Variants in CDH8 observed in about 807,000 individuals in gnomAD.
CDH8 encodes the protein cadherin 8, also known as cadherin-8.
CDH8 carries 17 observed loss-of-function variants against 68.1 expected under a neutral mutation model. The ratio of observed to expected loss-of-function variants is 0.25; its 90% CI spans 0.17 to 0.37. The LOEUF is 0.37. Ranked by LOEUF, CDH8 falls within the 10% of genes least tolerant of loss-of-function variation. CDH8 has a pLI of 1.00. For missense variants in CDH8, 763 were observed against 999.3 expected (o/e 0.76, Z 3.19); for synonymous variants, 372 against 365.1 (o/e 1.02, Z -0.21).
At chr16:61,855,841 G>T (rs930962185) in intron 4 of CDH8, among the ~76,000 whole-genome samples, 3 of 152,060 alleles carry the variant, frequency 2.0e-5, no homozygotes, top group Admixed American at 1.3e-4. Context: ...TCTCAAACTT[G>T]AAGGCAGCCA....
At chr16:61,717,278 A>G (rs1964748975) in intron 9 of CDH8, among the ~76,000 whole-genome samples, 1 of 151,634 alleles carries the variant, frequency 6.6e-6, no homozygotes, top group South Asian at 2.1e-4. Flanking sequence ...AGAGAAAACA[A>G]AGCATATCTG....
At chr16:61,765,406 TG>T (rs767660880) in intron 8 of CDH8, among the ~76,000 whole-genome samples, 1 of 152,044 alleles carries the variant, frequency 6.6e-6, no homozygotes, top group Non-Finnish European at 1.5e-5. Context: ...TAGACAATTA[TG>T]GTTTGTGTCT....
At chr16:61,837,695 T>G (rs1962596935) in intron 4 of CDH8, among the ~76,000 whole-genome samples, 1 of 152,070 alleles carries the variant, frequency 6.6e-6, no homozygotes, top group Non-Finnish European at 1.5e-5. Context: ...GAGAGAGTGT[T>G]ACTTGCAGAC....
intron 3 of CDH8, among the ~76,000 whole-genome samples, chr16:61,858,203 A>G (rs146220161): frequency 3.3e-4 from 50 of 152,250 alleles, no homozygotes; most frequent in African/African-American, 1.2e-3. Context: ...CAGTAGCACC[A>G]ATTATGGATC....
chr16:61,988,031 T>C (rs1479229611), intron 2 of CDH8, among the ~76,000 whole-genome samples: 1 of 152,156 alleles, frequency 6.6e-6, no homozygotes, highest in Admixed American at 6.5e-5. Context: ...CCAATTTATA[T>C]TTACTCTTAG....
intron 7 of CDH8, among the ~76,000 whole-genome samples, chr16:61,808,710 A>T (rs1469800815): frequency 6.6e-6 from 1 of 152,206 alleles, no homozygotes; most frequent in Non-Finnish European, 1.5e-5. Flanking sequence ...TCCTGGAATG[A>T]TATGGGAGCT....
Position 61,817,676 on chromosome 16 carries a change from G to C in CDH8, c.1080C>G (p.Val360=). 1 of 1,611,262 alleles carries C rather than the reference G, an allele frequency of 6.2e-7. No individual in the cohort carries two copies. The highest frequency in any genetic ancestry group is 8.5e-7 in the Non-Finnish European group (1 of 1,178,424). ...TGCCACTGAAGCGTGGGTCAATATG[G>C]ACATTGGCTGCCTCTACCTTTAGCG... ...SYTLKVEAAN[V]HIDPRFSGRG... is the part of the protein sequence containing the mutation. Residue 360 remains valine (V), a synonymous_variant, in exon 7 of 12, where the codon GTC becomes GTG. Transcript: ENST00000577390.
intron 4 of CDH8, among the ~76,000 whole-genome samples, chr16:61,825,567 A>C (rs1457620189): frequency 1.3e-5 from 2 of 151,876 alleles, no homozygotes; most frequent in Non-Finnish European, 2.9e-5. Context: ...CCACAGGAGG[A>C]GTAAATACAC....
At chr16:61,964,635 T>C (rs1026892218) in intron 2 of CDH8, among the ~76,000 whole-genome samples, 2 of 152,112 alleles carry the variant, frequency 1.3e-5, no homozygotes, top group African/African-American at 4.8e-5. Context: ...TGAGTGGGTC[T>C]GTGGCCTTGA....
intron 10 of CDH8, chr16:61,710,700 T>C (rs1447687711): frequency 1.3e-5 from 2 of 152,032 alleles, no homozygotes; most frequent in Non-Finnish European, 1.5e-5. Flanking sequence ...GTATAAACCA[T>C]GAGGGCTCCC....
chr16:62,006,230 G>A (rs1567565572), intron 2 of CDH8, among the ~76,000 whole-genome samples: 1 of 152,320 alleles, frequency 6.6e-6, no homozygotes. Flanking sequence ...AGAGCAAATC[G>A]TGTTCGATAA....
chr16:61,908,430 AAAG>A (rs1964099727), intron 2 of CDH8, among the ~76,000 whole-genome samples: 1 of 152,214 alleles, frequency 6.6e-6, no homozygotes, highest in South Asian at 2.1e-4. Context: ...AGGAGAAAGA[AAAG>A]GAGGAGCTGA....
chr16:61,809,982 C>G (rs991947545), intron 7 of CDH8, among the ~76,000 whole-genome samples: 4 of 152,172 alleles, frequency 2.6e-5, no homozygotes, highest in African/African-American at 9.7e-5. Flanking sequence ...GACTGTGTAT[C>G]TATTTTTCAA....
intron 7 of CDH8, among the ~76,000 whole-genome samples, chr16:61,814,194 A>T (rs1264043311): frequency 6.6e-6 from 1 of 152,194 alleles, no homozygotes; most frequent in African/African-American, 2.4e-5. Context: ...TCCAGAGACT[A>T]GTTCTCCGAC....
intron 4 of CDH8, among the ~76,000 whole-genome samples, chr16:61,848,368 T>C (rs1962860944): frequency 6.6e-6 from 1 of 152,134 alleles, no homozygotes; most frequent in Non-Finnish European, 1.5e-5. Flanking sequence ...AATAGACATT[T>C]CTTTGACTCT....
chr16:61,824,579 GGAA>G (rs1962288157), intron 5 of CDH8, among the ~76,000 whole-genome samples: 1 of 151,840 alleles, frequency 6.6e-6, no homozygotes, highest in Non-Finnish European at 1.5e-5. Flanking sequence ...CCCAGTTGCA[GGAA>G]GAAGGAGTGT....
chr16:61,679,178 T>G (rs1963968975), intron 10 of CDH8, among the ~76,000 whole-genome samples: 1 of 152,016 alleles, frequency 6.6e-6, no homozygotes, highest in Non-Finnish European at 1.5e-5. Flanking sequence ...AGAGTTATCC[T>G]AAGTCCCCAT....
At chr16:61,866,695 T>C (rs567118387) in intron 3 of CDH8, among the ~76,000 whole-genome samples, 2 of 152,214 alleles carry the variant, frequency 1.3e-5, no homozygotes, top group Non-Finnish European at 2.9e-5. Flanking sequence ...AGGAAGAGAA[T>C]GTTTTTACAT....
At chr16:61,971,988 T>C (rs911158669) in intron 2 of CDH8, among the ~76,000 whole-genome samples, 2 of 152,218 alleles carry the variant, frequency 1.3e-5, no homozygotes, top group Non-Finnish European at 2.9e-5. Context: ...ACAAAACTTG[T>C]AGATATGGCT....
Sources: gnomAD v4.1 joint callset for allele counts (sites outside exome capture counted in the v4.1 genomes callset) on GRCh38, gnomAD v4.1.1 for gene constraint, MANE v1.5 for transcripts, NCBI Gene and HGNC (gene_info 2026-07-23, HGNC 2026-07-21) for gene names.